Variants in CPPED1 observed in about 807,000 individuals in gnomAD.
CPPED1 encodes serine/threonine-protein phosphatase CPPED1.
CPPED1 carries 28 observed loss-of-function variants against 28.0 expected under a neutral mutation model. That is an observed-to-expected ratio of 1.00 (90% CI 0.74 to 1.37). The LOEUF (loss-of-function observed/expected upper bound fraction) is 1.37, where lower values mean the gene tolerates loss of function less well. Among genes scored for constraint, CPPED1 ranks in the 40% most tolerant of loss-of-function variants. The pLI is 0.00. For synonymous variants in CPPED1, 198 were observed against 180.2 expected, an observed-to-expected ratio of 1.10 and a Z score of -0.79; for missense variants, 504 against 416.5, an observed-to-expected ratio of 1.21 and a Z score of -1.83.
intron 1 of CPPED1, among the ~76,000 whole-genome samples, chr16:12,791,193 G>C (rs986135838): frequency 1.3e-5 from 2 of 151,862 alleles, no homozygotes; most frequent in African/African-American, 4.8e-5. Flanking sequence ...TTAGGTATTT[G>C]TCCTAATGCT....
chr16:12,782,833 T>G (rs2080540628), intron 1 of CPPED1, among the ~76,000 whole-genome samples: 1 of 152,038 alleles, frequency 6.6e-6, no homozygotes, highest in South Asian at 2.1e-4. Flanking sequence ...ATCACGTCAC[T>G]GCACTCCAGC....
chr16:12,681,125 C>T (rs566939125), intron 3 of CPPED1, among the ~76,000 whole-genome samples: 21 of 150,836 alleles, frequency 1.4e-4, no homozygotes, highest in African/African-American at 4.6e-4. Flanking sequence ...CCCCGACCCC[C>T]GTTTCCCCCC....
At chr16:12,773,579 C>T (rs1156504401) in intron 2 of CPPED1, among the ~76,000 whole-genome samples, 3 of 152,006 alleles carry the variant, frequency 2.0e-5, no homozygotes, top group East Asian at 1.9e-4. Context: ...TAAAATTAGC[C>T]GGGCATGGTG....
At chr16:12,740,685 C>A (rs1446593306) in intron 2 of CPPED1, among the ~76,000 whole-genome samples, 1 of 152,098 alleles carries the variant, frequency 6.6e-6, no homozygotes, top group Non-Finnish European at 1.5e-5. Flanking sequence ...GCTGCAGGGG[C>A]AAGGGCAGCT....
At chr16:12,752,670 T>C (rs1042087137) in intron 2 of CPPED1, among the ~76,000 whole-genome samples, 2 of 147,200 alleles carry the variant, frequency 1.4e-5, no homozygotes, top group East Asian at 1.9e-4. Context: ...ATATATAATA[T>C]ATATTTATAT....
intron 2 of CPPED1, among the ~76,000 whole-genome samples, chr16:12,733,671 C>T (rs924883969): frequency 2.0e-5 from 3 of 152,144 alleles, no homozygotes; most frequent in Admixed American, 6.5e-5. Context: ...TTCTCCAGGA[C>T]ACAAATTCAA....
intron 2 of CPPED1, among the ~76,000 whole-genome samples, chr16:12,714,875 G>A (rs35325147): frequency 0.55 from 82,879 of 151,878 alleles, 22,982 homozygotes; most frequent in Admixed American, 0.64. Flanking sequence ...TTCCAATAGA[G>A]GATCACAAAG....
At chr16:12,692,020 A>AT (rs753339934) in intron 3 of CPPED1, among the ~76,000 whole-genome samples, 26 of 151,732 alleles carry the variant, frequency 1.7e-4, no homozygotes, top group Non-Finnish European at 2.2e-4. Flanking sequence ...TGCCTGGATA[A>AT]TTTTTGTATT....
intron 3 of CPPED1, among the ~76,000 whole-genome samples, chr16:12,666,105 A>T (rs1005958434): frequency 5.3e-5 from 8 of 152,148 alleles, no homozygotes; most frequent in Admixed American, 4.6e-4. Flanking sequence ...GACAAGAGCA[A>T]GACTCCATCT....
chr16:12,774,912 C>A (rs2141234942), intron 2 of CPPED1, among the ~76,000 whole-genome samples: 1 of 152,264 alleles, frequency 6.6e-6, no homozygotes, highest in East Asian at 1.9e-4. Flanking sequence ...GCTTGGACTC[C>A]CAGGTTCAAG....
chr16:12,718,823 C>T (rs888808217), intron 2 of CPPED1, among the ~76,000 whole-genome samples: 1 of 151,896 alleles, frequency 6.6e-6, no homozygotes, highest in African/African-American at 2.4e-5. Context: ...AATAGCTGGG[C>T]GTAGTGGCAT....
intron 2 of CPPED1, chr16:12,754,028 C>T (rs912226193): frequency 5.9e-5 from 9 of 152,162 alleles, no homozygotes; most frequent in Non-Finnish European, 1.3e-4. Context: ...GCCCTCCTTT[C>T]CAGCTGACAG....
rs182991760 is a variant in CPPED1, at chr16:12,681,747, C to G, written c.716-16632G>C. On this transcript the variant is annotated intron_variant, in intron 3 of 3. Coordinates refer to ENST00000381774, the MANE Select transcript of CPPED1 (RefSeq NM_018340.3). ...AGGTTCAGTGGTCACAGTTATCACA[C>G]CAACACCTGGAGGCAGCTGAGGGGG... 1.5e-3 allele frequency among the ~76,000 whole-genome samples: 231 copies of G among 152,132 alleles called. 1 individual carries two copies. The highest frequency in any genetic ancestry group is 3.8e-3 in the African/African-American group (159 of 41,524).
At chr16:12,676,750 G>A (rs2079879751) in intron 3 of CPPED1, among the ~76,000 whole-genome samples, 1 of 151,956 alleles carries the variant, frequency 6.6e-6, no homozygotes, top group African/African-American at 2.4e-5. Flanking sequence ...ATCATATTAT[G>A]GTGGTAATAA....
intron 2 of CPPED1, among the ~76,000 whole-genome samples, chr16:12,774,248 T>C (rs1229950477): frequency 6.6e-6 from 1 of 151,992 alleles, no homozygotes; most frequent in Admixed American, 6.6e-5. Flanking sequence ...AGGAGGGCAA[T>C]CACTTGAGGT....
intron 2 of CPPED1, among the ~76,000 whole-genome samples, chr16:12,720,122 T>A (rs1379522105): frequency 1.3e-5 from 2 of 152,176 alleles, no homozygotes; most frequent in Non-Finnish European, 2.9e-5. Context: ...AGAGCACAGA[T>A]GCCTTCACAC....
chr16:12,711,677 C>A (rs2080080760), intron 2 of CPPED1, among the ~76,000 whole-genome samples: 1 of 151,980 alleles, frequency 6.6e-6, no homozygotes, highest in Non-Finnish European at 1.5e-5. Flanking sequence ...ATGATGGTGC[C>A]CTTGGGGTTG....
chr16:12,695,029 C>T (rs760160237), intron 3 of CPPED1, among the ~76,000 whole-genome samples: 3 of 152,098 alleles, frequency 2.0e-5, no homozygotes, highest in African/African-American at 7.2e-5. Flanking sequence ...CCACCGACCT[C>T]GCCCTCCCAA....
intron 2 of CPPED1, among the ~76,000 whole-genome samples, chr16:12,706,995 G>A (rs928258572): frequency 3.3e-5 from 5 of 152,178 alleles, no homozygotes; most frequent in African/African-American, 7.2e-5. Flanking sequence ...TTCACCTACC[G>A]TCTGCATCGA....
Sources: allele counts gnomAD v4.1 joint callset (sites outside exome capture counted in the v4.1 genomes callset), GRCh38; gene constraint gnomAD v4.1.1; transcripts MANE v1.5; gene names NCBI Gene and HGNC (gene_info 2026-07-23, HGNC 2026-07-21).